The following MIPOL1 variants were observed in gnomAD, a reference collection of about 807,000 sequenced individuals.
MIPOL1 encodes mirror-image polydactyly 1.
In MIPOL1, 57 loss-of-function variants were observed where a neutral mutation model predicts 60.9. The ratio of observed to expected loss-of-function variants is 0.94; its 90% CI spans 0.76 to 1.17. MIPOL1 has a LOEUF of 1.17. MIPOL1 is among the 50% of genes most tolerant of loss of function. MIPOL1 has a pLI of 0.00. For synonymous variants in MIPOL1, 179 were observed against 168.8 expected, an observed-to-expected ratio of 1.06 and a Z score of -0.47; for missense variants, 551 against 511.6, an observed-to-expected ratio of 1.08 and a Z score of -0.74.
chr14:37,528,087 A>C (rs1594887837), intron 12 of MIPOL1, among the ~76,000 whole-genome samples: 1 of 152,222 alleles, frequency 6.6e-6, no homozygotes, highest in East Asian at 1.9e-4. Context: ...GGCCAATCAG[A>C]AAATGCTTTT....
chr14:37,371,030 T>A (rs1318565186), intron 10 of MIPOL1, among the ~76,000 whole-genome samples: 1 of 152,134 alleles, frequency 6.6e-6, no homozygotes, highest in Non-Finnish European at 1.5e-5. Context: ...AATTTCATGA[T>A]CTTTATTCTG....
chr14:37,344,055 C>T (rs2090766057), intron 9 of MIPOL1, among the ~76,000 whole-genome samples: 1 of 152,048 alleles, frequency 6.6e-6, no homozygotes, highest in African/African-American at 2.4e-5. Flanking sequence ...TATAGTGTAT[C>T]TCAGAAATAT....
At chr14:37,328,447 A>G (rs1045460850) in intron 9 of MIPOL1, among the ~76,000 whole-genome samples, 4 of 152,138 alleles carry the variant, frequency 2.6e-5, no homozygotes, top group Admixed American at 6.6e-5. Context: ...GTTTTTTTCA[A>G]AGCTTCTTAA....
chr14:37,218,117 T>C (rs1968070943), intron 1 of MIPOL1, among the ~76,000 whole-genome samples: 1 of 152,218 alleles, frequency 6.6e-6, no homozygotes, highest in South Asian at 2.1e-4. Flanking sequence ...TCTAGTTTCT[T>C]TCTTTTCTAT....
intron 10 of MIPOL1, among the ~76,000 whole-genome samples, chr14:37,373,327 A>G (rs2092692075): frequency 6.6e-6 from 1 of 152,184 alleles, no homozygotes; most frequent in Non-Finnish European, 1.5e-5. Context: ...TTTTTAAAAT[A>G]AATTTGCATT....
chr14:37,453,341 C>G (rs909711036), intron 11 of MIPOL1, among the ~76,000 whole-genome samples: 6 of 151,974 alleles, frequency 3.9e-5, no homozygotes, highest in Non-Finnish European at 8.8e-5. Context: ...GATCCCATAA[C>G]TAACCTTTGA....
At chr14:37,202,220 A>G (rs1298159026) in intron 1 of MIPOL1, among the ~76,000 whole-genome samples, 1 of 152,170 alleles carries the variant, frequency 6.6e-6, no homozygotes, top group African/African-American at 2.4e-5. Flanking sequence ...GGGTAATTTC[A>G]TCAGTGTGAT....
At chr14:37,216,767 A>G (rs1257265242) in intron 1 of MIPOL1, among the ~76,000 whole-genome samples, 2 of 152,166 alleles carry the variant, frequency 1.3e-5, no homozygotes, top group Admixed American at 6.6e-5. Flanking sequence ...AACAAAACCT[A>G]TGGGATACAG....
intron 11 of MIPOL1, among the ~76,000 whole-genome samples, chr14:37,489,883 G>A (rs2095021148): frequency 1.3e-5 from 2 of 152,168 alleles, no homozygotes; most frequent in Non-Finnish European, 2.9e-5. Flanking sequence ...TGAGGTGTCT[G>A]TCAGCCCCTA....
chr14:37,503,938 A>T (rs1214879377), intron 12 of MIPOL1: 1 of 152,202 alleles, frequency 6.6e-6, no homozygotes, highest in Non-Finnish European at 1.5e-5. Context: ...GAAAACAAAA[A>T]AAGCAGGGTT....
At chr14:37,329,229 T>C (rs913813714) in intron 9 of MIPOL1, among the ~76,000 whole-genome samples, 4 of 151,952 alleles carry the variant, frequency 2.6e-5, no homozygotes, top group African/African-American at 7.3e-5. Flanking sequence ...AAAACAACTT[T>C]AAGAACATTA....
At chr14:37,503,667 G>A (rs2153615826) in intron 12 of MIPOL1, 1 of 152,282 alleles carries the variant, frequency 6.6e-6, no homozygotes, top group East Asian at 1.9e-4. Context: ...AAATTGTAAA[G>A]ACCATCGATG....
chr14:37,432,958 A>G (rs1296726591), intron 11 of MIPOL1, among the ~76,000 whole-genome samples: 9 of 152,196 alleles, frequency 5.9e-5, no homozygotes, highest in Non-Finnish European at 1.3e-4. Flanking sequence ...CAAGAGATTC[A>G]TTTTAAGAAG....
chr14:37,318,431 T>A (rs565254339), intron 9 of MIPOL1, among the ~76,000 whole-genome samples: 15 of 152,330 alleles, frequency 9.8e-5, no homozygotes, highest in African/African-American at 3.6e-4. Flanking sequence ...TTAATTACAG[T>A]GGCTGTAAGA....
At chr14:37,466,960 A>G (rs1196954133) in intron 11 of MIPOL1, among the ~76,000 whole-genome samples, 1 of 152,268 alleles carries the variant, frequency 6.6e-6, no homozygotes, top group Non-Finnish European at 1.5e-5. Flanking sequence ...AATGGCTCAC[A>G]TAAATTTTAA....
intron 3 of MIPOL1, among the ~76,000 whole-genome samples, chr14:37,263,793 T>C (rs17106525): frequency 6.6e-6 from 1 of 152,180 alleles, no homozygotes; most frequent in Non-Finnish European, 1.5e-5. Flanking sequence ...AGTGGATTAC[T>C]AAAGAGAGTT....
At chr14:37,465,500 A>C (rs961148914) in intron 11 of MIPOL1, among the ~76,000 whole-genome samples, 12 of 152,136 alleles carry the variant, frequency 7.9e-5, no homozygotes, top group African/African-American at 2.7e-4. Flanking sequence ...TATCACCTCA[A>C]ATCTGGCAAA....
intron 12 of MIPOL1, among the ~76,000 whole-genome samples, chr14:37,535,587 T>G (rs2095502507): frequency 6.6e-6 from 1 of 152,170 alleles, no homozygotes; most frequent in African/African-American, 2.4e-5. Context: ...AGGTATAACA[T>G]GAAACTCCCT....
At chr14:37,343,109 G>A (rs1025101128) in intron 9 of MIPOL1, among the ~76,000 whole-genome samples, 2 of 151,310 alleles carry the variant, frequency 1.3e-5, no homozygotes, top group Non-Finnish European at 2.9e-5. Flanking sequence ...GAATAAATTA[G>A]TTATGTTATA....
Sources: gnomAD v4.1 joint callset for allele counts (sites outside exome capture counted in the v4.1 genomes callset) on GRCh38, gnomAD v4.1.1 for gene constraint, MANE v1.5 for transcripts, NCBI Gene and HGNC (gene_info 2026-07-23, HGNC 2026-07-21) for gene names.